The following DGCR8 variants were observed in gnomAD, a reference collection of about 807,000 sequenced individuals.
DGCR8 encodes microprocessor complex subunit DGCR8.
DGCR8 carries 14 observed loss-of-function variants against 78.5 expected under a neutral mutation model. The ratio of observed to expected loss-of-function variants is 0.18; its 90% CI spans 0.12 to 0.28. DGCR8 has a LOEUF of 0.28. Among genes scored for constraint, DGCR8 ranks in the 10% least tolerant of loss-of-function variants. DGCR8 has a pLI of 1.00. For missense variants in DGCR8, 702 were observed against 1,022.5 expected (o/e 0.69, Z 4.28); for synonymous variants, 399 against 402.4 (o/e 0.99, Z 0.10).
chr22:20,081,789 C>G (rs2049421072), intron 1 of DGCR8, among the ~76,000 whole-genome samples: 1 of 152,216 alleles, frequency 6.6e-6, no homozygotes, highest in Admixed American at 6.5e-5. Context: ...AAACCAAACT[C>G]AAATCTTCAC....
At position 20,110,975 on chromosome 22, in the gene DGCR8, T is replaced by C; in HGVS notation, c.*867T>C. 2 of 395,048 alleles carry C rather than the reference T, an allele frequency of 5.1e-6. No homozygotes were observed. The highest frequency in any genetic ancestry group is 8.9e-6 in the Non-Finnish European group (2 of 224,332). 24.5% of individuals were successfully genotyped at this position (395,048 alleles called of 1,614,324 possible). ...TAAAGCTTTTGTGATATTTTAGCAT[T>C]TTGAAAGACTTTCACAGTGAGAGTA... On this transcript the variant is annotated 3_prime_UTR_variant, in exon 14 of 14. Coordinates refer to ENST00000351989, the MANE Select transcript of DGCR8 (RefSeq NM_022720.7).
Position 20,087,395 on chromosome 22 carries a change from T to G in DGCR8, c.880+74T>G. 6.7e-7 allele frequency: 1 copy of G among 1,502,640 alleles called. No homozygotes were observed. The highest frequency in any genetic ancestry group is 1.3e-5 in the South Asian group (1 of 76,458). 93.1% of individuals were successfully genotyped at this position (1,502,640 alleles called of 1,614,324 possible). ...TGGTTGCTTCCTTAGCAGAAATGCTTTGAGAGAGCTCTGGTGCCAGGTAGT... is the reference window on the plus strand; with the variant it reads ...TGGTTGCTTCCTTAGCAGAAATGCTGTGAGAGAGCTCTGGTGCCAGGTAGT... On this transcript the variant is annotated intron_variant, in intron 3 of 13. Transcript: ENST00000351989. The surrounding 1 kb of genome is among the most constrained non-coding windows in gnomAD (Gnocchi z 4.1).
At chr22:20,109,069 A>G (rs2049804540) in intron 13 of DGCR8, 66 bp downstream of exon 13, 3 of 835,622 alleles carry the variant, frequency 3.6e-6, no homozygotes, top group South Asian at 1.3e-5. Context: ...GTGGAGGGAC[A>G]GCAGACCCCA....
At chr22:20,101,047 A>G (rs2049694413) in intron 9 of DGCR8, 2 of 351,362 alleles carry the variant, frequency 5.7e-6, no homozygotes, top group Non-Finnish European at 8.0e-6. Context: ...CTCTACTGAC[A>G]CATTTGATTT....
At chr22:20,104,928 C>G (rs1478079832) in intron 9 of DGCR8, among the ~76,000 whole-genome samples, 1 of 152,230 alleles carries the variant, frequency 6.6e-6, no homozygotes, top group South Asian at 2.1e-4. Context: ...GGAGCCTGCA[C>G]AGCGAGGCGT....
At chr22:20,082,746 A>C (rs2049432623) in intron 1 of DGCR8, among the ~76,000 whole-genome samples, 1 of 152,258 alleles carries the variant, frequency 6.6e-6, no homozygotes, top group East Asian at 1.9e-4. Context: ...CTTGTAAAGC[A>C]GCTCCATCAC....
At chr22:20,084,039 C>T (rs571358087) in intron 1 of DGCR8, among the ~76,000 whole-genome samples, 12 of 152,300 alleles carry the variant, frequency 7.9e-5, no homozygotes, top group Admixed American at 6.5e-4. Flanking sequence ...AATGGGGTGA[C>T]AGTGCAGTGG....
In DGCR8 at chr22:20,086,687, T is replaced by G; in HGVS notation, c.720+4T>G. 6.2e-7 allele frequency: 1 copy of G among 1,600,516 alleles called. No homozygotes were observed. The highest frequency in any genetic ancestry group is 8.5e-7 in the Non-Finnish European group (1 of 1,177,156). On this transcript the variant is annotated splice_donor_region_variant and intron_variant, in intron 2 of 13. Coordinates refer to ENST00000351989, the MANE Select transcript of DGCR8 (RefSeq NM_022720.7). This position sits in a 1 kb window ranked among gnomAD's most constrained non-coding sequence, Gnocchi z 6.4. ...GGCCTTGAATTTCCCCTACGAGGTA[T>G]GTTGGCAGCCCCTCCTCTAGAGGGC...
Position 20,111,620 on chromosome 22 carries a change from C to T in DGCR8, c.*1512C>T. 1 of 384,096 alleles carries T rather than the reference C, an allele frequency of 2.6e-6. No homozygotes were observed. Among genetic ancestry groups the T allele is most frequent in the Non-Finnish European group, 4.6e-6 (1 of 217,418 alleles). 23.8% of individuals were successfully genotyped at this position (384,096 alleles called of 1,614,324 possible). ...ACCAAAGCTTCGTGCACATGTGTTC[C>T]CCTAAAGGTTGGGGAGCCTCGCTGT... On this transcript the variant is annotated 3_prime_UTR_variant, in exon 14 of 14. Transcript: ENST00000351989.
In DGCR8 at chr22:20,087,363, G is replaced by T. The variant is rs2049498937; in HGVS notation, c.880+42G>T. 5.8e-6 allele frequency: 9 copies of T among 1,553,746 alleles called. No homozygotes were observed. The East Asian group carries it at 1.9e-4, about 33-fold the overall frequency. ...GAAGCAGTGGGTGTTCCAGGGCAGT[G>T]GAGGGGTGGTTGCTTCCTTAGCAGA... is the stretch of plus-strand genomic sequence containing the variant. On this transcript the variant is annotated intron_variant, in intron 3 of 13. Coordinates refer to ENST00000351989, the MANE Select transcript of DGCR8 (RefSeq NM_022720.7). This position sits in a 1 kb window ranked among gnomAD's most constrained non-coding sequence, Gnocchi z 4.1.
intron 8 of DGCR8, among the ~76,000 whole-genome samples, chr22:20,093,497 C>T (rs1195172655): frequency 1.3e-5 from 2 of 152,166 alleles, no homozygotes; most frequent in Non-Finnish European, 2.9e-5. Context: ...AGGGGTGTGC[C>T]TAGAGCCAAC....
chr22:20,089,624 A>G lies in DGCR8; in HGVS notation c.881-45A>G. The stretch of plus-strand genomic sequence containing the variant: ...AGGAGGTGCTGTGGCAACAATTCCA[A>G]GTGTTTTTACAGTGATTATAGGATG... On this transcript the variant is annotated intron_variant, in intron 3 of 13. Transcript: ENST00000351989. This position sits in a 1 kb window ranked among gnomAD's most constrained non-coding sequence, Gnocchi z 4.9. 1 of 1,604,826 alleles carries G rather than the reference A, an allele frequency of 6.2e-7. No individual in the cohort carries two copies. Among genetic ancestry groups the G allele is most frequent in the Non-Finnish European group, 8.5e-7 (1 of 1,173,710 alleles).
At position 20,106,248 on chromosome 22, in the gene DGCR8, A is replaced by G. The variant is rs1285524757; in HGVS notation, c.1860A>G (p.Pro620=). 5.6e-6 allele frequency: 9 copies of G among 1,613,884 alleles called. No individual in the cohort carries two copies. Among genetic ancestry groups the G allele is most frequent in the African/African-American group, 1.3e-5 (1 of 75,060 alleles). ...CCAGCAAGGCTGGGCTGTTGTCTCC[A>G]TATCAGATCCTCCACGAGTGCCTTA... ...ELTSKAGLLS[P]YQILHECLKR... Residue 620 remains proline (P), a synonymous_variant, in exon 10 of 14, where the codon CCA becomes CCG. Transcript: ENST00000351989.
intron 6 of DGCR8, 96 bp downstream of exon 6, chr22:20,091,728 A>C: frequency 6.5e-7 from 1 of 1,541,024 alleles, no homozygotes; most frequent in East Asian, 2.3e-5. Context: ...CATTTCGTTC[A>C]AAGTTTATGT....
intron 1 of DGCR8, among the ~76,000 whole-genome samples, chr22:20,082,412 GC>G (rs2147911148): frequency 6.6e-6 from 1 of 151,570 alleles, no homozygotes; most frequent in East Asian, 1.9e-4. Context: ...TGTTGCTCAG[GC>G]TGGAGTGCAG....
intron 9 of DGCR8, chr22:20,102,080 C>CTT (rs373573043): frequency 2.6e-3 from 2,084 of 810,604 alleles, no homozygotes; most frequent in Middle Eastern, 5.6e-3. Context: ...CAAGTGTTTT[C>CTT]TTTTTTTTTT....
intron 9 of DGCR8, chr22:20,102,261 T>TGGG (rs2049711938): frequency 4.5e-6 from 1 of 223,680 alleles, no homozygotes; most frequent in Admixed American, 6.5e-5. Flanking sequence ...TATCCTCTGG[T>TGGG]GGGCACTGAA....
chr22:20,102,977 C>T (rs2049721314), intron 9 of DGCR8, among the ~76,000 whole-genome samples: 1 of 151,876 alleles, frequency 6.6e-6, no homozygotes, highest in Non-Finnish European at 1.5e-5. Context: ...TACTTAAATA[C>T]AAAAATTAGG....
Position 20,085,560 on chromosome 22 carries a change from G to T in DGCR8, c.-277-127G>T. On this transcript the variant is annotated intron_variant, in intron 1 of 13. Transcript: ENST00000351989. The surrounding 1 kb of genome is among the most constrained non-coding windows in gnomAD (Gnocchi z 6.2). ...GTTAGTTTGTTTTGATGCCTAAAAA[G>T]TCCTCTTAGGGAATATTATTTTGAA... is the stretch of plus-strand genomic sequence containing the variant. 1.4e-6 allele frequency: 1 copy of T among 711,982 alleles called. No homozygotes were observed. The highest frequency in any genetic ancestry group is 1.9e-6 in the Non-Finnish European group (1 of 514,170). 44.1% of individuals were successfully genotyped at this position (711,982 alleles called of 1,614,324 possible).
Sources: allele counts gnomAD v4.1 joint callset (sites outside exome capture counted in the v4.1 genomes callset), GRCh38; gene constraint gnomAD v4.1.1; non-coding constraint Gnocchi (gnomAD v3.1); transcripts MANE v1.5; gene names NCBI Gene and HGNC (gene_info 2026-07-23, HGNC 2026-07-21).